The following VPS39 variants were observed in gnomAD, a reference collection of about 807,000 sequenced individuals.
The protein encoded by VPS39 is VPS39 subunit of HOPS complex.
Under a neutral mutation model 121.0 loss-of-function variants are expected in VPS39, and 70 were observed. The ratio of observed to expected loss-of-function variants is 0.58; its 90% CI spans 0.48 to 0.71. The LOEUF (loss-of-function observed/expected upper bound fraction) is 0.71, where lower values mean the gene tolerates loss of function less well. VPS39 is among the 30% of genes least tolerant of loss of function. The probability of loss-of-function intolerance (pLI) is 0.00; values close to 1 mark genes in which losing one functional copy is unlikely to be tolerated. For synonymous variants in VPS39, 378 were observed against 398.1 expected (o/e 0.95, Z 0.60); for missense variants, 818 against 1,051.5 (o/e 0.78, Z 3.07).
intron 4 of VPS39, among the ~76,000 whole-genome samples, chr15:42,189,571 A>G (rs997769347): frequency 1.3e-5 from 2 of 151,864 alleles, no homozygotes; most frequent in Non-Finnish European, 2.9e-5. Flanking sequence ...TCTACTAAAA[A>G]TACAAAAATC....
At chr15:42,163,233 A>T in intron 21 of VPS39, 117 bp downstream of exon 21, 2 of 1,259,830 alleles carry the variant, frequency 1.6e-6, no homozygotes, top group Non-Finnish European at 2.3e-6. Flanking sequence ...ATGCAAGATC[A>T]ATCAGAGCCC....
At chr15:42,203,428 C>T (rs1042675954) in intron 1 of VPS39, among the ~76,000 whole-genome samples, 3 of 151,290 alleles carry the variant, frequency 2.0e-5, no homozygotes, top group South Asian at 2.1e-4. Context: ...GAGCTGAGAT[C>T]GTACCACTGC....
intron 3 of VPS39, 77 bp from the exon 4 acceptor site, chr15:42,191,244 T>A (rs1234367831): frequency 1.7e-5 from 26 of 1,543,054 alleles, no homozygotes; most frequent in Non-Finnish European, 1.8e-6. Flanking sequence ...ATAACAGTAA[T>A]AAAAAGGGAC....
chr15:42,183,606 T>C lies in VPS39; in HGVS notation c.718+911A>G, dbSNP rs144934772. Among the ~76,000 whole-genome samples the C allele has an allele frequency of 7.7e-4, 118 of 152,300 alleles. 2 individuals are homozygous for C. The East Asian group carries it at 0.021, about 27-fold the overall frequency. On this transcript the variant is annotated intron_variant, in intron 8 of 24. Coordinates refer to ENST00000318006, the MANE Select transcript of VPS39 (RefSeq NM_015289.5). ...TCATTTATTGGGCTTTCTGCCTAGATTGAATGGAAATTTTTCTTCAAGCCA... is the reference window on the plus strand; with the variant it reads ...TCATTTATTGGGCTTTCTGCCTAGACTGAATGGAAATTTTTCTTCAAGCCA...
At chr15:42,166,688 C>A in intron 14 of VPS39, 39 bp from the exon 15 acceptor site, 1 of 1,614,026 alleles carries the variant, frequency 6.2e-7, no homozygotes, top group Non-Finnish European at 8.5e-7. Flanking sequence ...TGAGCCTTTT[C>A]CCCACGGGAG....
chr15:42,201,753 A>C (rs1344943012), intron 1 of VPS39, among the ~76,000 whole-genome samples: 2 of 152,214 alleles, frequency 1.3e-5, no homozygotes, highest in African/African-American at 4.8e-5. Context: ...ATATTACATC[A>C]TTCAAGGAAG....
rs1373210046 is a variant in VPS39, at chr15:42,178,329, A to C, written c.849T>G (p.Ile283Met). Residue 283 changes from isoleucine to methionine, a missense_variant, in exon 10 of 25, where the codon ATT becomes ATG. Physicochemically the swap from Ile to Met is conservative, Grantham distance 10. Transcript: ENST00000318006. Reference sequence around the variant, plus strand: ...CAAAATGATTGCTGGCCACATAGATAATGTTTGATCTGGAAGCAAGAGTAA... The same window carrying C: ...CAAAATGATTGCTGGCCACATAGATCATGTTTGATCTGGAAGCAAGAGTAA... ...PRFITSGGSN[I>M]IYVASNHFVW... is the part of the protein sequence containing the mutation. 6.2e-7 allele frequency: 1 copy of C among 1,614,206 alleles called. No homozygotes were observed.
chr15:42,187,962 T>C (rs1464770856), intron 5 of VPS39, 106 bp from the exon 6 acceptor site: 1 of 1,043,968 alleles, frequency 9.6e-7, no homozygotes, highest in Non-Finnish European at 1.5e-6. Context: ...CTCTGAAAAT[T>C]CCCTGTAACA....
chr15:42,192,754 C>T lies in VPS39; in HGVS notation c.140-1194G>A, dbSNP rs545376836. ...CGTCCTATTATTGCATTTAATACTTCTCTTTTCTTATTTTTTTGTTTTGTT... is the reference window on the plus strand; with the variant it reads ...CGTCCTATTATTGCATTTAATACTTTTCTTTTCTTATTTTTTTGTTTTGTT... On this transcript the variant is annotated intron_variant, in intron 2 of 24. Coordinates refer to ENST00000318006, the MANE Select transcript of VPS39 (RefSeq NM_015289.5). 2.0e-5 allele frequency among the ~76,000 whole-genome samples: 3 copies of T among 151,662 alleles called. No individual in the cohort carries two copies. The South Asian group carries it at 6.3e-4, about 32-fold the overall frequency.
At chr15:42,184,453 G>T (rs938680400) in intron 8 of VPS39, 64 bp downstream of exon 8, 9 of 1,507,762 alleles carry the variant, frequency 6.0e-6, no homozygotes, top group Non-Finnish European at 8.0e-6. Context: ...ATGGGACTCC[G>T]TTCTGCAGGA....
chr15:42,189,035 C>T, intron 5 of VPS39, 79 bp downstream of exon 5: 3 of 1,007,830 alleles, frequency 3.0e-6, no homozygotes, highest in Non-Finnish European at 4.7e-6. Context: ...GTCATTCTTC[C>T]CATCTAATGG....
chr15:42,170,894 C>A, intron 11 of VPS39, among the ~76,000 whole-genome samples: 1 of 151,658 alleles, frequency 6.6e-6, no homozygotes, highest in Admixed American at 6.6e-5. Context: ...ATCCTGCCAG[C>A]TAATTATTTT....
intron 2 of VPS39, chr15:42,192,216 T>TATC (rs932168466): frequency 2.7e-5 from 26 of 958,690 alleles, no homozygotes; most frequent in East Asian, 2.6e-5. Context: ...AGAGAATAAT[T>TATC]ATCATCATCA....
At position 42,195,395 on chromosome 15, in the gene VPS39, C is replaced by T. The variant is rs140712066; in HGVS notation, c.140-3835G>A. ...TTCAAGTCCAGCCTGGGCAATCTGGCGAAACCCCATCACTACAAAAGATAC... is the reference window on the plus strand; with the variant it reads ...TTCAAGTCCAGCCTGGGCAATCTGGTGAAACCCCATCACTACAAAAGATAC... On this transcript the variant is annotated intron_variant, in intron 2 of 24. Transcript: ENST00000318006. Among the ~76,000 whole-genome samples the T allele has an allele frequency of 1.4e-4, 21 of 152,206 alleles. No individual in the cohort carries two copies. In the East Asian group the frequency reaches 2.5e-3, roughly 18 times the overall value.
At chr15:42,192,965 A>G (rs1375285562) in intron 2 of VPS39, among the ~76,000 whole-genome samples, 1 of 152,050 alleles carries the variant, frequency 6.6e-6, no homozygotes, top group African/African-American at 2.4e-5. Context: ...TTTTTAGTAG[A>G]GACAGGGTTT....
chr15:42,191,293 T>A (rs752495535), intron 3 of VPS39, 126 bp from the exon 4 acceptor site: 1 of 1,235,130 alleles, frequency 8.1e-7, no homozygotes, highest in Non-Finnish European at 1.1e-6. Flanking sequence ...CACTGATTTT[T>A]CTGGGCACTA....
chr15:42,176,441 T>A (rs1439972229), intron 10 of VPS39, among the ~76,000 whole-genome samples: 1 of 152,068 alleles, frequency 6.6e-6, no homozygotes, highest in Non-Finnish European at 1.5e-5. Context: ...AAATTTAGGA[T>A]AATGATTACA....
At chr15:42,173,904 C>A in intron 10 of VPS39, 52 bp from the exon 11 acceptor site, 1 of 1,599,808 alleles carries the variant, frequency 6.3e-7, no homozygotes. Flanking sequence ...AAATATTGTT[C>A]AGTATGTTCT....
chr15:42,191,239 A>G (rs2049822022), intron 3 of VPS39, 72 bp from the exon 4 acceptor site: 1 of 1,554,332 alleles, frequency 6.4e-7, no homozygotes, highest in African/African-American at 1.4e-5. Flanking sequence ...ATTCAATAAC[A>G]GTAATAAAAA....
Sources: gnomAD v4.1 joint callset for allele counts (sites outside exome capture counted in the v4.1 genomes callset) on GRCh38, gnomAD v4.1.1 for gene constraint, MANE v1.5 for transcripts, NCBI Gene and HGNC (gene_info 2026-07-23, HGNC 2026-07-21) for gene names.